Variants in MMS22L observed in about 807,000 individuals in gnomAD.
The protein encoded by MMS22L is protein MMS22-like.
In MMS22L, 74 loss-of-function variants were observed where a neutral mutation model predicts 159.1. The ratio of observed to expected loss-of-function variants is 0.47; its 90% CI spans 0.39 to 0.56. The LOEUF is 0.56. Ranked by LOEUF, MMS22L falls within the 20% of genes least tolerant of loss-of-function variation. The pLI is 0.00. For synonymous variants in MMS22L, 517 were observed against 506.9 expected, an observed-to-expected ratio of 1.02 and a Z score of -0.27; for missense variants, 1,351 against 1,422.1, an observed-to-expected ratio of 0.95 and a Z score of 0.80.
intron 6 of MMS22L, 66 bp from the exon 7 acceptor site, chr6:97,270,058 G>T: frequency 8.3e-7 from 1 of 1,200,150 alleles, no homozygotes; most frequent in Non-Finnish European, 1.2e-6. Context: ...TTCATAGCAT[G>T]TCACAATACT....
At chr6:97,176,841 T>C (rs535648825) in intron 18 of MMS22L, among the ~76,000 whole-genome samples, 1 of 152,312 alleles carries the variant, frequency 6.6e-6, no homozygotes, top group African/African-American at 2.4e-5. Context: ...TTGCTGATTA[T>C]GCTTCGTATC....
chr6:97,243,112 T>G (rs1228706837), intron 11 of MMS22L, among the ~76,000 whole-genome samples: 1 of 152,186 alleles, frequency 6.6e-6, no homozygotes, highest in Non-Finnish European at 1.5e-5. Context: ...TGTATTTGGA[T>G]GTCTAGATCT....
chr6:97,146,844 G>A lies in MMS22L; in HGVS notation c.3694C>T (p.Gln1232Ter). 1 of 1,573,990 alleles carries A rather than the reference G, an allele frequency of 6.4e-7. No homozygotes were observed. The highest frequency in any genetic ancestry group is 8.6e-7 in the Non-Finnish European group (1 of 1,167,350). The change falls in exon 25 of 25, where the codon CAA becomes TAA. Residue 1232 changes from glutamine (Q) to a stop codon, truncating the protein, a stop_gained. Transcript: ENST00000683635. LOFTEE classifies it high-confidence loss of function. ...KLLSHLGQMG[Q>*]DEMQRLENDN... ...TTTTCCAGTCTCTGCATCTCATCTT[G>A]TCCCATCTGTCCAAGGTGAGACAAA...
intron 14 of MMS22L, among the ~76,000 whole-genome samples, chr6:97,189,824 C>T (rs1184288043): frequency 6.6e-6 from 1 of 152,074 alleles, no homozygotes; most frequent in Non-Finnish European, 1.5e-5. Flanking sequence ...CAAGCTTTTT[C>T]AGTCTGGATA....
chr6:97,248,109 G>A (rs902902364), intron 10 of MMS22L, among the ~76,000 whole-genome samples: 1 of 152,172 alleles, frequency 6.6e-6, no homozygotes, highest in Non-Finnish European at 1.5e-5. Context: ...GTGATAGTAT[G>A]TCACCTCCAA....
chr6:97,173,170 A>G lies in MMS22L; in HGVS notation c.2732T>C (p.Met911Thr). Reference protein sequence around the residue: ...NVQTLSDKSAMVTKSLEYLGE... With the variant: ...NVQTLSDKSATVTKSLEYLGE... ...AAGGTATTCCAAGGACTTTGTGACC[A>G]TGGCAGATTTATCAGAAAGTGTCTG... is the stretch of plus-strand genomic sequence containing the variant. Residue 911 changes from methionine (M) to threonine (T), a missense_variant, in exon 19 of 25, where the codon ATG (methionine) becomes ACG (threonine). Physicochemically the swap from Met to Thr is moderately conservative, Grantham distance 81. Transcript: ENST00000683635. The G allele has an allele frequency of 5.6e-6, 9 of 1,613,728 alleles. No individual in the cohort carries two copies. Among genetic ancestry groups the G allele is most frequent in the Non-Finnish European group, 7.6e-6 (9 of 1,179,768 alleles).
chr6:97,183,170 C>T (rs191688920), intron 15 of MMS22L, among the ~76,000 whole-genome samples: 3 of 152,212 alleles, frequency 2.0e-5, no homozygotes, highest in African/African-American at 7.2e-5. Flanking sequence ...TCTTCTCCCC[C>T]AACTCCAACA....
rs575372343 is a variant in MMS22L, at chr6:97,264,285, AAC to A, written c.829-839_829-838del. ...AGAAAATAAATTTTGATTCACTGTA[AAC>A]AGAGTAAAAATTTTGCAAGACAGAA... On this transcript the variant is annotated intron_variant, in intron 8 of 24. Coordinates refer to ENST00000683635, the MANE Select transcript of MMS22L (RefSeq NM_001350599.2). The A allele has an allele frequency of 2.7e-4, 41 of 152,296 alleles. No individual in the cohort carries two copies. The East Asian group carries it at 7.5e-3, about 28-fold the overall frequency. 9.4% of individuals were successfully genotyped at this position (152,296 alleles called of 1,614,324 possible).
chr6:97,202,826 T>C (rs1807321507), intron 14 of MMS22L, among the ~76,000 whole-genome samples: 1 of 152,136 alleles, frequency 6.6e-6, no homozygotes, highest in Admixed American at 6.5e-5. Context: ...TTATAAGAGG[T>C]GTATCTTTAT....
At chr6:97,151,933 G>T in intron 22 of MMS22L, 66 bp from the exon 23 acceptor site, 1 of 1,170,602 alleles carries the variant, frequency 8.5e-7, no homozygotes, top group South Asian at 1.3e-5. Flanking sequence ...TCATTTTTAT[G>T]AACACTCTTG....
chr6:97,212,035 TGTAA>T (rs1808438465), intron 14 of MMS22L, among the ~76,000 whole-genome samples: 1 of 152,226 alleles, frequency 6.6e-6, no homozygotes, highest in Non-Finnish European at 1.5e-5. Context: ...GAGAAAATTC[TGTAA>T]GTGACATGGA....
intron 14 of MMS22L, among the ~76,000 whole-genome samples, chr6:97,195,138 A>G (rs1806348569): frequency 6.6e-6 from 1 of 152,216 alleles, no homozygotes; most frequent in African/African-American, 2.4e-5. Context: ...ATTTGAGCAA[A>G]GAACTAAATA....
chr6:97,188,506 T>C (rs901595861), intron 14 of MMS22L, among the ~76,000 whole-genome samples: 2 of 152,108 alleles, frequency 1.3e-5, no homozygotes, highest in South Asian at 4.1e-4. Flanking sequence ...AAGCTAACAG[T>C]AGGAAAGCTA....
Position 97,145,331 on chromosome 6 carries a change from G to C in MMS22L, c.*1475C>G, listed in dbSNP as rs757662154. 5 of 152,100 alleles carry C rather than the reference G, an allele frequency of 3.3e-5. No individual in the cohort carries two copies. The highest frequency in any genetic ancestry group is 4.8e-5 in the African/African-American group (2 of 41,412). The allele number at this position is 152,100 out of a possible 1,614,324, so 9.4% of individuals were successfully genotyped here. ...TTTGGATTTCACAGATTATAATTAA[G>C]AGAACGCTATTAACTACAGAATACT... On this transcript the variant is annotated 3_prime_UTR_variant, in exon 25 of 25. Transcript: ENST00000683635.
chr6:97,273,141 C>G (rs576565283), intron 4 of MMS22L, 79 bp from the exon 5 acceptor site: 1 of 1,086,008 alleles, frequency 9.2e-7, no homozygotes, highest in African/African-American at 1.6e-5. Flanking sequence ...TAAGCCATAC[C>G]GGCAGCAATT....
intron 14 of MMS22L, among the ~76,000 whole-genome samples, chr6:97,200,748 G>C (rs17057507): frequency 6.6e-6 from 1 of 152,074 alleles, no homozygotes; most frequent in Admixed American, 6.6e-5. Context: ...CAGTGCTATA[G>C]GAGCAGATAT....
At chr6:97,163,061 G>T (rs961096349) in intron 21 of MMS22L, among the ~76,000 whole-genome samples, 4 of 151,952 alleles carry the variant, frequency 2.6e-5, no homozygotes, top group African/African-American at 9.7e-5. Flanking sequence ...ATTCCCTACA[G>T]TGACTTCCAA....
chr6:97,209,629 T>C (rs1487188526), intron 14 of MMS22L, among the ~76,000 whole-genome samples: 2 of 152,052 alleles, frequency 1.3e-5, no homozygotes, highest in East Asian at 3.8e-4. Flanking sequence ...GCAAATATGC[T>C]GTTTAGTAAT....
intron 11 of MMS22L, among the ~76,000 whole-genome samples, chr6:97,236,024 T>G (rs545399230): frequency 5.9e-5 from 9 of 152,132 alleles, no homozygotes; most frequent in Non-Finnish European, 1.3e-4. Flanking sequence ...CGTATTAAAT[T>G]TTATGTCAAA....
Sources: allele counts gnomAD v4.1 joint callset (sites outside exome capture counted in the v4.1 genomes callset), GRCh38; gene constraint gnomAD v4.1.1; transcripts MANE v1.5; gene names NCBI Gene and HGNC (gene_info 2026-07-23, HGNC 2026-07-21).